Variants in MMP16 observed in about 807,000 individuals in gnomAD.
MMP16 encodes the protein matrix metallopeptidase 16.
A neutral mutation model predicts 67.8 loss-of-function variants in MMP16; 12 were observed. That is an observed-to-expected ratio of 0.18 (90% CI 0.11 to 0.29). The LOEUF (loss-of-function observed/expected upper bound fraction) is 0.29. Among genes scored for constraint, MMP16 ranks in the 10% least tolerant of loss-of-function variants. The pLI, the probability that MMP16 is intolerant of heterozygous loss-of-function variation, is 1.00. For missense variants in MMP16, 475 were observed against 765.7 expected, an observed-to-expected ratio of 0.62 and a Z score of 4.48; for synonymous variants, 249 against 255.9, an observed-to-expected ratio of 0.97 and a Z score of 0.26.
intron 8 of MMP16, among the ~76,000 whole-genome samples, chr8:88,048,088 G>A (rs553875537): frequency 6.6e-6 from 1 of 152,276 alleles, no homozygotes; most frequent in South Asian, 2.1e-4. Flanking sequence ...GTAAGGTAAG[G>A]AAGTAAGGGA....
At chr8:88,289,721 CACACACACA>C (rs1563585471) in intron 1 of MMP16, among the ~76,000 whole-genome samples, 7 of 151,532 alleles carry the variant, frequency 4.6e-5, no homozygotes, top group African/African-American at 1.5e-4. Context: ...CACACACACA[CACACACACA>C]CCCCACTCAT....
At chr8:88,275,107 G>A (rs1052989832) in intron 1 of MMP16, among the ~76,000 whole-genome samples, 24 of 151,954 alleles carry the variant, frequency 1.6e-4, no homozygotes, top group African/African-American at 5.6e-4. Context: ...TTACACTTGA[G>A]AGGGATAGAA....
In MMP16 at chr8:88,086,019, A is replaced by C. The variant is rs192170442; in HGVS notation, c.1084-11276T>G. Among the ~76,000 whole-genome samples, 39 of 152,000 alleles carry C rather than the reference A, an allele frequency of 2.6e-4. 1 individual carries two copies. The South Asian group carries it at 7.7e-3, about 30-fold the overall frequency. ...TGAAGACAATAATATATTAATTTTT[A>C]TCCAATTTCTATACATAAACAATAA... is the stretch of plus-strand genomic sequence containing the variant. On this transcript the variant is annotated intron_variant, in intron 6 of 9. Transcript: ENST00000286614.
chr8:88,117,681 A>G (rs1185706259), intron 5 of MMP16, among the ~76,000 whole-genome samples: 6 of 131,124 alleles, frequency 4.6e-5, no homozygotes, highest in Non-Finnish European at 7.2e-5. Context: ...GAGCAGCACA[A>G]AAACTGACCT....
intron 4 of MMP16, among the ~76,000 whole-genome samples, chr8:88,151,117 G>A (rs1266579903): frequency 2.0e-5 from 2 of 98,190 alleles, no homozygotes; most frequent in Non-Finnish European, 4.1e-5. Flanking sequence ...AGACAAAGAA[G>A]GCCATTACAT....
intron 1 of MMP16, among the ~76,000 whole-genome samples, chr8:88,302,327 A>G (rs1208866547): frequency 6.6e-6 from 1 of 152,226 alleles, no homozygotes; most frequent in Non-Finnish European, 1.5e-5. Context: ...GTGGCATAGA[A>G]ACCCCAAAAT....
At chr8:88,178,607 T>C (rs1310842844) in intron 3 of MMP16, among the ~76,000 whole-genome samples, 2 of 152,204 alleles carry the variant, frequency 1.3e-5, no homozygotes, top group Non-Finnish European at 2.9e-5. Flanking sequence ...ACTCACCTTA[T>C]GTGGCAAGTT....
intron 1 of MMP16, among the ~76,000 whole-genome samples, chr8:88,233,637 A>G (rs967970344): frequency 6.6e-6 from 1 of 152,238 alleles, no homozygotes; most frequent in Non-Finnish European, 1.5e-5. Context: ...TCCACTACGG[A>G]AGCTGAGCTC....
chr8:88,206,681 T>C (rs1418710299), intron 1 of MMP16, among the ~76,000 whole-genome samples: 2 of 152,252 alleles, frequency 1.3e-5, no homozygotes, highest in Non-Finnish European at 2.9e-5. Flanking sequence ...TATTTCAGTG[T>C]TTAATATCAG....
At chr8:88,259,300 C>T (rs775192489) in intron 1 of MMP16, among the ~76,000 whole-genome samples, 3 of 152,234 alleles carry the variant, frequency 2.0e-5, no homozygotes, top group Non-Finnish European at 2.9e-5. Context: ...GATGCATTTT[C>T]AACGGAAATG....
intron 3 of MMP16, chr8:88,186,242 TTA>T (rs1352284947): frequency 1.6e-5 from 6 of 373,968 alleles, no homozygotes; most frequent in Non-Finnish European, 2.8e-5. Flanking sequence ...ATATTGACAT[TTA>T]TTCAAGAAGC....
chr8:88,116,423 G>T, intron 6 of MMP16, 84 bp downstream of exon 6: 1 of 1,213,930 alleles, frequency 8.2e-7, no homozygotes, highest in Non-Finnish European at 1.2e-6. Context: ...GGAAGGTAGT[G>T]TTAGAATGAA....
At chr8:88,068,920 T>C (rs1188593711) in intron 7 of MMP16, among the ~76,000 whole-genome samples, 1 of 152,104 alleles carries the variant, frequency 6.6e-6, no homozygotes, top group African/African-American at 2.4e-5. Context: ...CAGGCTGGTC[T>C]TGAACTCCTG....
At chr8:88,230,873 T>C (rs1402981429) in intron 1 of MMP16, among the ~76,000 whole-genome samples, 1 of 152,152 alleles carries the variant, frequency 6.6e-6, no homozygotes, top group East Asian at 1.9e-4. Context: ...TGAAGTTGCA[T>C]ATATTGCAAA....
chr8:88,118,648 A>AAATT, intron 5 of MMP16, 52 bp downstream of exon 5: 1 of 1,515,746 alleles, frequency 6.6e-7, no homozygotes, highest in South Asian at 1.1e-5. Context: ...AACACAGCAG[A>AAATT]AATTCTGGAC....
At chr8:88,269,494 T>C (rs551020440) in intron 1 of MMP16, among the ~76,000 whole-genome samples, 7 of 152,292 alleles carry the variant, frequency 4.6e-5, no homozygotes, top group African/African-American at 9.6e-5. Context: ...ATAATACATT[T>C]ACCTAGAAGC....
chr8:88,271,489 T>A (rs573675374), intron 1 of MMP16, among the ~76,000 whole-genome samples: 86 of 152,258 alleles, frequency 5.6e-4, no homozygotes, highest in Non-Finnish European at 9.9e-4. Flanking sequence ...GATTTTATTT[T>A]ATTTATTTAT....
chr8:88,050,606 T>C (rs1808257886), intron 8 of MMP16, among the ~76,000 whole-genome samples: 1 of 152,202 alleles, frequency 6.6e-6, no homozygotes, highest in South Asian at 2.1e-4. Flanking sequence ...TTAGTATGAA[T>C]TGTCACTCAA....
At chr8:88,142,597 T>G (rs1808230400) in intron 4 of MMP16, among the ~76,000 whole-genome samples, 1 of 152,138 alleles carries the variant, frequency 6.6e-6, no homozygotes, top group Non-Finnish European at 1.5e-5. Flanking sequence ...TTAAAAATAT[T>G]ATAAACCATA....
Sources: gnomAD v4.1 joint callset for allele counts (sites outside exome capture counted in the v4.1 genomes callset) on GRCh38, gnomAD v4.1.1 for gene constraint, MANE v1.5 for transcripts, NCBI Gene and HGNC (gene_info 2026-07-23, HGNC 2026-07-21) for gene names.